The following AVEN variants were observed in gnomAD, a reference collection of about 807,000 sequenced individuals.
AVEN encodes cell death regulator Aven.
In AVEN, 41 loss-of-function variants were observed where a neutral mutation model predicts 38.1. The observed-to-expected ratio is 1.08, with a 90% CI of 0.84 to 1.40. The LOEUF is 1.40. AVEN is among the 40% of genes most tolerant of loss of function. AVEN has a pLI of 0.00. For missense variants in AVEN, 605 were observed against 438.8 expected (o/e 1.38, Z -3.38); for synonymous variants, 206 against 171.8 (o/e 1.20, Z -1.56).
intron 2 of AVEN, among the ~76,000 whole-genome samples, chr15:33,907,995 C>T (rs1892771774): frequency 6.6e-6 from 1 of 152,034 alleles, no homozygotes; most frequent in Non-Finnish European, 1.5e-5. Context: ...AGACAAATGA[C>T]AATGCAGGAG....
At chr15:33,952,561 A>ATT (rs746478480) in intron 2 of AVEN, among the ~76,000 whole-genome samples, 8 of 152,228 alleles carry the variant, frequency 5.3e-5, no homozygotes, top group Non-Finnish European at 1.0e-4. Context: ...CGCATAAATA[A>ATT]TGAAAGAGTA....
At chr15:33,855,012 T>G, downstream of AVEN, 1 of 1,209,414 alleles carries the variant, frequency 8.3e-7, no homozygotes, top group Non-Finnish European at 1.1e-6. Context: ...GAATATGTCT[T>G]GGTATATAAT....
At chr15:33,863,666 A>G (rs535753688), downstream of AVEN, among the ~76,000 whole-genome samples, 7 of 152,212 alleles carry the variant, frequency 4.6e-5, no homozygotes, top group South Asian at 1.4e-3. Flanking sequence ...AAACAAAACT[A>G]TAGTTCTGGA....
At chr15:33,907,679 AT>A (rs1364448440) in intron 2 of AVEN, among the ~76,000 whole-genome samples, 2 of 152,102 alleles carry the variant, frequency 1.3e-5, no homozygotes, top group African/African-American at 2.4e-5. Context: ...ATTCAGCAGT[AT>A]GTAAGAATCA....
chr15:33,903,492 C>CAGCT (rs2153043680), intron 2 of AVEN, among the ~76,000 whole-genome samples: 1 of 152,350 alleles, frequency 6.6e-6, no homozygotes, highest in Admixed American at 6.5e-5. Flanking sequence ...AAGTCAGTTT[C>CAGCT]TGCAGCTTGC....
chr15:33,896,574 G>A (rs1208210338), intron 2 of AVEN, among the ~76,000 whole-genome samples: 1 of 152,098 alleles, frequency 6.6e-6, no homozygotes, highest in African/African-American at 2.4e-5. Flanking sequence ...CAATATCCAT[G>A]GTCTAAGCAC....
At chr15:33,954,311 C>T (rs1894870144) in intron 2 of AVEN, among the ~76,000 whole-genome samples, 1 of 152,146 alleles carries the variant, frequency 6.6e-6, no homozygotes, top group South Asian at 2.1e-4. Flanking sequence ...GGTATATACC[C>T]AAAGGATTAT....
At chr15:33,880,507 G>A (rs1187414657) in intron 2 of AVEN, among the ~76,000 whole-genome samples, 2 of 152,162 alleles carry the variant, frequency 1.3e-5, no homozygotes, top group East Asian at 1.9e-4. Flanking sequence ...CCTGATGACT[G>A]CATCCTGTAA....
chr15:34,029,937 T>C (rs540001281), intron 1 of AVEN, among the ~76,000 whole-genome samples: 2 of 152,266 alleles, frequency 1.3e-5, no homozygotes, highest in East Asian at 3.9e-4. Flanking sequence ...CACTAGAATG[T>C]GAACTCTAGA....
chr15:33,983,446 C>T (rs1896278552), intron 2 of AVEN, among the ~76,000 whole-genome samples: 1 of 151,864 alleles, frequency 6.6e-6, no homozygotes. Flanking sequence ...ACAAGAATAG[C>T]ACCATTTATA....
intron 1 of AVEN, among the ~76,000 whole-genome samples, chr15:34,030,395 G>A (rs1001341276): frequency 2.6e-5 from 4 of 152,098 alleles, no homozygotes; most frequent in Admixed American, 2.0e-4. Flanking sequence ...GCCCAGGCTG[G>A]AGTGCAGTGG....
At chr15:33,998,284 G>A (rs1042068906) in intron 2 of AVEN, among the ~76,000 whole-genome samples, 3 of 151,974 alleles carry the variant, frequency 2.0e-5, no homozygotes, top group Non-Finnish European at 2.9e-5. Context: ...CCCCTTTTCT[G>A]GATCTATCAA....
intron 1 of AVEN, among the ~76,000 whole-genome samples, chr15:34,034,445 T>TAA (rs769830072): frequency 2.3e-5 from 2 of 86,060 alleles, no homozygotes; most frequent in Admixed American, 1.2e-4. Context: ...AGTTTCTTTT[T>TAA]TAAAAAAAAA....
chr15:33,881,418 G>C (rs1455274157), intron 2 of AVEN, among the ~76,000 whole-genome samples: 1 of 151,862 alleles, frequency 6.6e-6, no homozygotes, highest in Non-Finnish European at 1.5e-5. Flanking sequence ...TTTTAGATAA[G>C]GTCTCACTCT....
intron 2 of AVEN, among the ~76,000 whole-genome samples, chr15:33,958,590 C>CAAAA (rs72424138): frequency 4.2e-5 from 6 of 141,590 alleles, no homozygotes; most frequent in African/African-American, 1.3e-4. Context: ...GACCCTATCT[C>CAAAA]AAGAAAAAAA....
intron 1 of AVEN, among the ~76,000 whole-genome samples, chr15:34,033,830 C>A (rs1377513344): frequency 6.6e-6 from 1 of 152,116 alleles, no homozygotes; most frequent in Non-Finnish European, 1.5e-5. Flanking sequence ...ATTCTGTCTC[C>A]AGGGTAAAGA....
intron 2 of AVEN, among the ~76,000 whole-genome samples, chr15:33,956,132 T>C (rs912677232): frequency 6.6e-6 from 1 of 152,216 alleles, no homozygotes; most frequent in African/African-American, 2.4e-5. Flanking sequence ...TTGTAGTTAT[T>C]GCGTGTAGCT....
At chr15:33,933,491 TCACA>T (rs71974331) in intron 2 of AVEN, among the ~76,000 whole-genome samples, 783 of 68,214 alleles carry the variant, frequency 0.011, 51 homozygotes, top group Middle Eastern at 0.03. Flanking sequence ...CCTCCAACAA[TCACA>T]CACACACACA....
Position 34,063,790 on chromosome 15 carries a change from C to A in AVEN, n.1127-358G>T. The A allele has an allele frequency of 6.2e-7, 1 of 1,614,186 alleles. No homozygotes were observed. The highest frequency in any genetic ancestry group is 8.5e-7 in the Non-Finnish European group (1 of 1,180,034). On this transcript the variant is annotated intron_variant and non_coding_transcript_variant, in intron 4 of 11. Coordinates refer to the AVEN transcript ENST00000675287. The surrounding 1 kb of genome is among the most constrained non-coding windows in gnomAD (Gnocchi z 4.1). ...GAAACTGAAAAAAGTGACTATGACA[C>A]CCCAAACTACCTTCTGTCTCCAGCA...
Sources: allele counts gnomAD v4.1 joint callset (sites outside exome capture counted in the v4.1 genomes callset), GRCh38; gene constraint gnomAD v4.1.1; non-coding constraint Gnocchi (gnomAD v3.1); transcripts MANE v1.5; gene names NCBI Gene and HGNC (gene_info 2026-07-23, HGNC 2026-07-21).